The following GALNTL6 variants were observed in gnomAD, a reference collection of about 807,000 sequenced individuals.
GALNTL6 encodes polypeptide N-acetylgalactosaminyltransferase like 6.
Under a neutral mutation model 73.7 loss-of-function variants are expected in GALNTL6, and 46 were observed. The ratio of observed to expected loss-of-function variants is 0.62; its 90% CI spans 0.49 to 0.80. The LOEUF is 0.80. GALNTL6 is among the 30% of genes least tolerant of loss of function. GALNTL6 has a pLI of 0.00. For synonymous variants in GALNTL6, 259 were observed against 263.7 expected (o/e 0.98, Z 0.17); for missense variants, 604 against 755.0 (o/e 0.80, Z 2.34).
intron 5 of GALNTL6, among the ~76,000 whole-genome samples, chr4:172,487,188 T>C (rs903676824): frequency 6.6e-6 from 1 of 151,686 alleles, no homozygotes; most frequent in African/African-American, 2.4e-5. Context: ...AGTGAAAATC[T>C]TCATTTTCTT....
intron 2 of GALNTL6, among the ~76,000 whole-genome samples, chr4:172,163,866 C>G (rs1422978681): frequency 6.6e-6 from 1 of 151,822 alleles, no homozygotes; most frequent in East Asian, 1.9e-4. Flanking sequence ...GTACACGTGT[C>G]TATTTAAAAA....
chr4:172,444,494 GT>G (rs1170994556), intron 5 of GALNTL6, among the ~76,000 whole-genome samples: 1 of 152,120 alleles, frequency 6.6e-6, no homozygotes, highest in Non-Finnish European at 1.5e-5. Context: ...TGGACTGTCT[GT>G]TTTGCAGCAT....
At chr4:172,409,960 AC>A (rs1443764809) in intron 5 of GALNTL6, among the ~76,000 whole-genome samples, 1 of 152,054 alleles carries the variant, frequency 6.6e-6, no homozygotes, top group Non-Finnish European at 1.5e-5. Flanking sequence ...ATTATGTGAA[AC>A]AGGTAGAAAC....
At chr4:171,857,530 G>T (rs1735725625) in intron 2 of GALNTL6, among the ~76,000 whole-genome samples, 1 of 152,170 alleles carries the variant, frequency 6.6e-6, no homozygotes, top group African/African-American at 2.4e-5. Context: ...TGATTTTAAA[G>T]TCTAACTAGA....
At chr4:172,861,318 CATGTGTGT>C (rs1196483805) in intron 7 of GALNTL6, among the ~76,000 whole-genome samples, 17 of 140,882 alleles carry the variant, frequency 1.2e-4, no homozygotes, top group East Asian at 4.1e-4. Context: ...TTTTTGCTTA[CATGTGTGT>C]GTGTGTGTGT....
intron 10 of GALNTL6, among the ~76,000 whole-genome samples, chr4:172,991,848 T>A (rs1398222116): frequency 6.6e-6 from 1 of 152,232 alleles, no homozygotes; most frequent in African/African-American, 2.4e-5. Flanking sequence ...AAGAAAATCT[T>A]GTTATTTTGA....
chr4:172,721,358 G>A lies in GALNTL6; in HGVS notation c.554-88003G>A, dbSNP rs956515362. ...AAAAGAGGAAGAGAATATCTACAAA[G>A]GTATTTAATCCTTTGAAACAACTTC... is the stretch of plus-strand genomic sequence containing the variant. On this transcript the variant is annotated intron_variant, in intron 5 of 12. Coordinates refer to ENST00000506823, the MANE Select transcript of GALNTL6 (RefSeq NM_001034845.3). Among the ~76,000 whole-genome samples the A allele has an allele frequency of 2.0e-5, 3 of 152,180 alleles. No individual in the cohort carries two copies. In the East Asian group the frequency reaches 5.8e-4, roughly 29 times the overall value.
chr4:172,999,702 A>C (rs928985918), intron 10 of GALNTL6, among the ~76,000 whole-genome samples: 4 of 152,034 alleles, frequency 2.6e-5, no homozygotes, highest in Non-Finnish European at 5.9e-5. Flanking sequence ...ACTCATGGAA[A>C]CAGTTGTCAA....
intron 5 of GALNTL6, among the ~76,000 whole-genome samples, chr4:172,698,904 C>A (rs1018604583): frequency 3.3e-5 from 5 of 152,080 alleles, no homozygotes; most frequent in African/African-American, 1.2e-4. Context: ...CCTCCCACGC[C>A]TTTTTTGCAA....
chr4:172,326,288 G>A (rs1740938858), intron 4 of GALNTL6, among the ~76,000 whole-genome samples: 1 of 151,914 alleles, frequency 6.6e-6, no homozygotes. Flanking sequence ...AAAGAGAAGA[G>A]CAAAATAAAT....
At chr4:172,480,875 C>T (rs999013428) in intron 5 of GALNTL6, among the ~76,000 whole-genome samples, 44 of 152,142 alleles carry the variant, frequency 2.9e-4, no homozygotes, top group Admixed American at 1.3e-3. Context: ...CTCCACTAGA[C>T]TAGCCTAGGA....
At chr4:172,277,576 T>A (rs1738882557) in intron 3 of GALNTL6, among the ~76,000 whole-genome samples, 1 of 152,154 alleles carries the variant, frequency 6.6e-6, no homozygotes, top group South Asian at 2.1e-4. Flanking sequence ...AAGTCAAAAA[T>A]TGATAACTAT....
chr4:172,381,037 A>G (rs1221276901), intron 5 of GALNTL6, among the ~76,000 whole-genome samples: 2 of 152,222 alleles, frequency 1.3e-5, no homozygotes, highest in East Asian at 3.8e-4. Flanking sequence ...GCCCTCTATC[A>G]GGCAAGCTTT....
chr4:172,119,100 T>C (rs1466882632), intron 2 of GALNTL6, among the ~76,000 whole-genome samples: 1 of 152,138 alleles, frequency 6.6e-6, no homozygotes, highest in Non-Finnish European at 1.5e-5. Context: ...GTGTGAATAT[T>C]GGTTTCAATA....
At chr4:172,253,804 GAA>G in intron 3 of GALNTL6, among the ~76,000 whole-genome samples, 1 of 151,990 alleles carries the variant, frequency 6.6e-6, no homozygotes, top group Non-Finnish European at 1.5e-5. Context: ...TGTCACTAAA[GAA>G]GATTATTTTC....
intron 10 of GALNTL6, among the ~76,000 whole-genome samples, chr4:172,979,698 G>T (rs1042934251): frequency 6.6e-6 from 1 of 152,126 alleles, no homozygotes; most frequent in African/African-American, 2.4e-5. Flanking sequence ...TACCCTGCTT[G>T]GTTCTTAAAC....
chr4:172,311,383 TTC>T (rs1740351681), intron 3 of GALNTL6, among the ~76,000 whole-genome samples: 1 of 152,192 alleles, frequency 6.6e-6, no homozygotes, highest in African/African-American at 2.4e-5. Flanking sequence ...TTGGCAGTGG[TTC>T]TCTCTGCAAT....
At chr4:172,808,328 G>A (rs1741096103) in intron 5 of GALNTL6, among the ~76,000 whole-genome samples, 1 of 152,164 alleles carries the variant, frequency 6.6e-6, no homozygotes, top group Admixed American at 6.5e-5. Flanking sequence ...TAGCAGGAAG[G>A]AATCACAAAT....
intron 2 of GALNTL6, among the ~76,000 whole-genome samples, chr4:171,875,135 C>T (rs756207109): frequency 8.6e-5 from 13 of 152,040 alleles, no homozygotes; most frequent in Non-Finnish European, 1.5e-5. Context: ...GAGCCTTTAG[C>T]GATAGGTACT....
Sources: gnomAD v4.1 joint callset for allele counts (sites outside exome capture counted in the v4.1 genomes callset) on GRCh38, gnomAD v4.1.1 for gene constraint, MANE v1.5 for transcripts, NCBI Gene and HGNC (gene_info 2026-07-23, HGNC 2026-07-21) for gene names.